Variants in CHD5 observed in about 807,000 individuals in gnomAD.
CHD5 encodes the protein ATP-dependent chromatin remodeler CHD5.
CHD5 carries 69 observed loss-of-function variants against 230.3 expected under a neutral mutation model. The observed-to-expected ratio is 0.30, with a 90% CI of 0.25 to 0.37. The LOEUF is 0.37. Ranked by LOEUF, CHD5 falls within the 10% of genes least tolerant of loss-of-function variation. CHD5 has a pLI of 1.00. For synonymous variants in CHD5, 1,064 were observed against 1,065.9 expected (o/e 1.00, Z 0.03); for missense variants, 1,827 against 2,622.8 (o/e 0.70, Z 6.63).
Position 6,146,736 on chromosome 1 carries a change from G to C in CHD5, c.1519C>G (p.Pro507Ala). The C allele has an allele frequency of 6.2e-7, 1 of 1,613,136 alleles. No individual in the cohort carries two copies. The highest frequency in any genetic ancestry group is 8.5e-7 in the Non-Finnish European group (1 of 1,179,632). Reference protein sequence around the residue: ...LPPPKPLEGIPEREFFVKWAG... With the variant: ...LPPPKPLEGIAEREFFVKWAG... ...CACTTGACAAAGAACTCTCTCTCAG[G>C]GATGCCCTCCAGGGGCTTAGGTGGA... The change falls in exon 10 of 42, where the codon CCT becomes GCT. Residue 507 changes from proline to alanine, a missense_variant. By Grantham distance (27) the Pro-to-Ala change is conservative (BLOSUM62 -1). Around this residue, in one of 14 missense-constraint regions of CHD5, gnomAD observed 657 missense variants for 816.4 expected, o/e 0.80. Transcript: ENST00000262450. This position sits in a 1 kb window ranked among gnomAD's most constrained non-coding sequence, Gnocchi z 5.1.
Position 6,154,536 on chromosome 1 carries a change from A to G in CHD5, c.745+124T>C. 1 of 808,392 alleles carries G rather than the reference A, an allele frequency of 1.2e-6. No homozygotes were observed. Among genetic ancestry groups the G allele is most frequent in the Non-Finnish European group, 1.9e-6 (1 of 527,200 alleles). 50.1% of individuals were successfully genotyped at this position (808,392 alleles called of 1,614,324 possible). ...GCAATCCAAGGTCACACAGGCACAG[A>G]GCCCTCCATTAGGAGCACCCCAGCT... On this transcript the variant is annotated intron_variant, in intron 5 of 41. Transcript: ENST00000262450. This position sits in a 1 kb window ranked among gnomAD's most constrained non-coding sequence, Gnocchi z 7.0.
At chr1:6,152,984 C>T (rs565411232) in intron 5 of CHD5, among the ~76,000 whole-genome samples, 2 of 152,366 alleles carry the variant, frequency 1.3e-5, no homozygotes, top group African/African-American at 2.4e-5. Flanking sequence ...CTGGTCCCAC[C>T]CAAGACTGCC....
At chr1:6,136,687 G>C (rs775835611) in intron 16 of CHD5, 41 bp downstream of exon 16, 27 of 1,611,478 alleles carry the variant, frequency 1.7e-5, no homozygotes, top group Non-Finnish European at 2.3e-5. Flanking sequence ...GCGGCCCCTC[G>C]CCCCGGGAAG....
Position 6,106,644 on chromosome 1 carries a change from T to G in CHD5, c.5714A>C (p.Asn1905Thr). The change falls in exon 39 of 42, where the codon AAC becomes ACC. Residue 1905 changes from asparagine to threonine, a missense_variant. Transcript: ENST00000262450. ...CTGGATGGTGGGGTCCCCGGCGCGG[T>G]TGGTCAGGCGGCTCAGGATGCTGCG... ...SERSILSRLT[N>T]RAGDPTIQQG... 1 of 1,599,796 alleles carries G rather than the reference T, an allele frequency of 6.3e-7. No homozygotes were observed. Among genetic ancestry groups the G allele is most frequent in the Non-Finnish European group, 8.5e-7 (1 of 1,173,714 alleles).
chr1:6,135,212 G>C lies in CHD5; in HGVS notation c.2870+18C>G, dbSNP rs200629329. The stretch of plus-strand genomic sequence containing the variant: ...AAAGGGCGAGCACAGGCTGCTCCGG[G>C]GTCAGCCCATCACTCACTTCTGCAT... On this transcript the variant is annotated intron_variant, in intron 18 of 41. Transcript: ENST00000262450. 201 of 1,613,696 alleles carry C rather than the reference G, an allele frequency of 1.2e-4. 1 individual carries two copies. In the African/African-American group the frequency reaches 2.5e-3, roughly 20 times the overall value.
At chr1:6,158,932 G>A (rs1306246290) in intron 3 of CHD5, among the ~76,000 whole-genome samples, 5 of 143,218 alleles carry the variant, frequency 3.5e-5, no homozygotes, top group African/African-American at 1.4e-4. Context: ...GCGTGAACCC[G>A]GGAGGCGAAG....
rs1158003377 is a variant in CHD5 at position 6,130,440 on chromosome 1, GAGA to G, written c.3263-115_3263-113del. ...GAACTGCAGCAACAGATCCCTGGCA[GAGA>G]AGGACAAAGCCGGAGACCCCATCAG... is the stretch of plus-strand genomic sequence containing the variant. On this transcript the variant is annotated intron_variant, in intron 21 of 41. Coordinates refer to ENST00000262450, the MANE Select transcript of CHD5 (RefSeq NM_015557.3). The surrounding 1 kb of genome is among the most constrained non-coding windows in gnomAD (Gnocchi z 4.9). The G allele has an allele frequency of 6.8e-5, 70 of 1,029,384 alleles. No homozygotes were observed. The highest frequency in any genetic ancestry group is 4.8e-4 in the Middle Eastern group (2 of 4,206). The allele number at this position is 1,029,384 out of a possible 1,614,324, so 63.8% of individuals were successfully genotyped here.
intron 31 of CHD5, among the ~76,000 whole-genome samples, chr1:6,123,003 G>A (rs1666495311): frequency 6.6e-6 from 1 of 151,624 alleles, no homozygotes; most frequent in Non-Finnish European, 1.5e-5. Flanking sequence ...GGAGGCGGAG[G>A]TTGCAGTGAG....
Position 6,127,914 on chromosome 1 carries a change from G to A in CHD5, c.3903+132C>T, listed in dbSNP as rs559107564. 1.0e-4 allele frequency: 79 copies of A among 762,326 alleles called. No individual in the cohort carries two copies. In the African/African-American group the frequency reaches 1.3e-3, roughly 12 times the overall value. The allele number at this position is 762,326 out of a possible 1,614,324, so 47.2% of individuals were successfully genotyped here. A position where few individuals can be genotyped will look rare whatever the true frequency, so the allele number is the denominator to read the frequency against. On this transcript the variant is annotated intron_variant, in intron 25 of 41. Transcript: ENST00000262450. ...CAGGGAGGGCGGGGCTGCGGCTGGA[G>A]GGCGGGGTCACAGCTTGGAGGGCTG...
chr1:6,119,862 ATATTT>A (rs1478194665), intron 33 of CHD5, among the ~76,000 whole-genome samples: 1 of 127,046 alleles, frequency 7.9e-6, no homozygotes, highest in African/African-American at 2.9e-5. Context: ...ATATATATAT[ATATTT>A]TTTTTTTTTC....
rs1666643860 is a variant in CHD5 at position 6,130,912 on chromosome 1, G to A, written c.3263-584C>T. On this transcript the variant is annotated intron_variant, in intron 21 of 41. Transcript: ENST00000262450. The surrounding 1 kb of genome is among the most constrained non-coding windows in gnomAD (Gnocchi z 4.9). ...GCTTCAGCCACTCCTGCTTCCACAT[G>A]TGGCTGGGCCACGTCTAGACCCTGA... 6.6e-6 allele frequency among the ~76,000 whole-genome samples: 1 copy of A among 152,230 alleles called. No individual in the cohort carries two copies. The highest frequency in any genetic ancestry group is 1.5e-5 in the Non-Finnish European group (1 of 68,042).
Position 6,125,932 on chromosome 1 carries a change from A to G in CHD5, c.4079-74T>C. The G allele has an allele frequency of 8.8e-7, 1 of 1,139,260 alleles. No homozygotes were observed. The highest frequency in any genetic ancestry group is 1.3e-6 in the Non-Finnish European group (1 of 763,142). The allele number at this position is 1,139,260 out of a possible 1,614,324, so 70.6% of individuals were successfully genotyped here. ...CCCACCCTCAAGTTCAAGCATGCCC[A>G]GGGCCACGCCGAGCCCCTGCACCCC... is the stretch of plus-strand genomic sequence containing the variant. On this transcript the variant is annotated intron_variant, in intron 26 of 41. Transcript: ENST00000262450. The surrounding 1 kb of genome is among the most constrained non-coding windows in gnomAD (Gnocchi z 6.7).
chr1:6,118,877 T>C (rs1476820485), intron 33 of CHD5, among the ~76,000 whole-genome samples: 1 of 151,878 alleles, frequency 6.6e-6, no homozygotes, highest in Non-Finnish European at 1.5e-5. Flanking sequence ...TTTGTATTTT[T>C]AGTAGAGACA....
Position 6,142,678 on chromosome 1 carries a change from C to G in CHD5, c.2044-73G>C. ...AGAGTCCACACTACAGGCCTTTGCACATGCAATTCCTTCTGCCTGGAACAC... is the reference window on the plus strand; with the variant it reads ...AGAGTCCACACTACAGGCCTTTGCAGATGCAATTCCTTCTGCCTGGAACAC... On this transcript the variant is annotated intron_variant, in intron 13 of 41. Coordinates refer to ENST00000262450, the MANE Select transcript of CHD5 (RefSeq NM_015557.3). This position sits in a 1 kb window ranked among gnomAD's most constrained non-coding sequence, Gnocchi z 5.2. 6.9e-7 allele frequency: 1 copy of G among 1,441,304 alleles called. No individual in the cohort carries two copies. 89.3% of individuals were successfully genotyped at this position (1,441,304 alleles called of 1,614,324 possible).
chr1:6,162,526 G>C (rs1309950664), intron 2 of CHD5, among the ~76,000 whole-genome samples: 1 of 152,162 alleles, frequency 6.6e-6, no homozygotes, highest in South Asian at 2.1e-4. Context: ...CTCCAGGGCT[G>C]GGCCGCCTTG....
intron 13 of CHD5, among the ~76,000 whole-genome samples, chr1:6,143,605 C>A (rs1274489168): frequency 6.6e-6 from 1 of 152,176 alleles, no homozygotes. Flanking sequence ...CATCCTGGGT[C>A]TCCTCCCAGG....
At chr1:6,132,882 C>T (rs1666680185) in intron 20 of CHD5, among the ~76,000 whole-genome samples, 1 of 136,668 alleles carries the variant, frequency 7.3e-6, no homozygotes, top group African/African-American at 3.1e-5. Flanking sequence ...CTATTCTTTT[C>T]TCTCTCTCTC....
intron 9 of CHD5, among the ~76,000 whole-genome samples, chr1:6,148,616 T>C (rs1414585074): frequency 6.6e-6 from 1 of 152,188 alleles, no homozygotes; most frequent in East Asian, 1.9e-4. Context: ...CCTGTCTGCC[T>C]TTCCCTAACA....
intron 38 of CHD5, among the ~76,000 whole-genome samples, chr1:6,108,061 G>A (rs568090869): frequency 2.2e-3 from 315 of 140,304 alleles, no homozygotes; most frequent in Middle Eastern, 4.4e-3. Context: ...AGGGATGGAG[G>A]GATGGAGGGA....
Sources: allele counts gnomAD v4.1 joint callset (sites outside exome capture counted in the v4.1 genomes callset), GRCh38; gene constraint gnomAD v4.1.1; regional missense constraint gnomAD v4.1.1; non-coding constraint Gnocchi (gnomAD v3.1); transcripts MANE v1.5; gene names NCBI Gene and HGNC (gene_info 2026-07-23, HGNC 2026-07-21).